The following HERC2 variants were observed in gnomAD, a reference collection of about 807,000 sequenced individuals.
HERC2 encodes the protein E3 ubiquitin-protein ligase HERC2.
A neutral mutation model predicts 537.7 loss-of-function variants in HERC2; 102 were observed. The observed-to-expected ratio is 0.19, with a 90% CI of 0.16 to 0.22. The LOEUF is 0.22. HERC2 is among the 10% of genes least tolerant of loss of function. The pLI, the probability that HERC2 is intolerant of heterozygous loss-of-function variation, is 1.00. For synonymous variants in HERC2, 2,224 were observed against 2,466.2 expected, an observed-to-expected ratio of 0.90 and a Z score of 2.91; for missense variants, 4,236 against 6,198.2, an observed-to-expected ratio of 0.68 and a Z score of 10.63.
chr15:28,299,095 A>G (rs1316679443), intron 3 of HERC2, among the ~76,000 whole-genome samples: 1 of 152,154 alleles, frequency 6.6e-6, no homozygotes, highest in Non-Finnish European at 1.5e-5. Context: ...ACAAAGCTAA[A>G]TAAGATTGTT....
rs1899558274 is a variant in HERC2 at position 28,213,899 on chromosome 15, A to G, written c.6629T>C (p.Ile2210Thr). 6.2e-7 allele frequency: 1 copy of G among 1,613,934 alleles called. No homozygotes were observed. Among genetic ancestry groups the G allele is most frequent in the South Asian group, 1.1e-5 (1 of 91,060 alleles). ...VGGLMAVLAV[I>T]GGIDGRLRLG... The stretch of plus-strand genomic sequence containing the variant: ...GCGCAGGCGACCATCGATGCCTCCA[A>G]TCACAGCCAGGACTGCCATGAGGCC... The change falls in exon 42 of 93, where the codon ATT becomes ACT. Residue 2210 changes from isoleucine to threonine, a missense_variant. Around this residue, in one of 27 missense-constraint regions of HERC2, gnomAD observed 365 missense variants for 468.8 expected, o/e 0.78. Coordinates refer to ENST00000261609, the MANE Select transcript of HERC2 (RefSeq NM_004667.6).
chr15:28,231,973 C>A (rs543301667), intron 30 of HERC2, among the ~76,000 whole-genome samples: 2 of 152,226 alleles, frequency 1.3e-5, no homozygotes, highest in South Asian at 4.1e-4. Context: ...CTCCCTCATG[C>A]CGAGGCAGCC....
At chr15:28,304,080 C>T (rs936727120) in intron 2 of HERC2, among the ~76,000 whole-genome samples, 8 of 144,068 alleles carry the variant, frequency 5.6e-5, no homozygotes, top group Non-Finnish European at 3.0e-5. Flanking sequence ...GCAGGAGGAT[C>T]GCTTCAACCC....
chr15:28,238,148 G>T lies in HERC2; in HGVS notation c.3818C>A (p.Ser1273Tyr). ...AALQFEDTRE[S>Y]MHAFCVGQYL... ...CTGGCCAACACAAAACGCGTGCATG[G>T]ATTCCCGGGTGTCTTCAAACTGCAA... The change falls in exon 25 of 93, where the codon TCC (serine) becomes TAC (tyrosine). Residue 1273 changes from serine to tyrosine, a missense_variant. Coordinates refer to ENST00000261609, the MANE Select transcript of HERC2 (RefSeq NM_004667.6). 6.2e-7 allele frequency: 1 copy of T among 1,611,938 alleles called. No individual in the cohort carries two copies. Among genetic ancestry groups the T allele is most frequent in the East Asian group, 2.2e-5 (1 of 44,884 alleles).
At chr15:28,173,160 T>G (rs1894859190) in intron 65 of HERC2, among the ~76,000 whole-genome samples, 1 of 152,212 alleles carries the variant, frequency 6.6e-6, no homozygotes, top group African/African-American at 2.4e-5. Flanking sequence ...AAACAGTATG[T>G]AGCGATCTTA....
intron 26 of HERC2, among the ~76,000 whole-genome samples, chr15:28,236,352 G>A (rs4932685): frequency 0.083 from 12,434 of 150,694 alleles, 923 homozygotes; most frequent in East Asian, 0.25. Flanking sequence ...GTGCAGTGGC[G>A]CGATCTCGGC....
chr15:28,152,644 G>A (rs1425601452), intron 70 of HERC2, 33 bp downstream of exon 70: 1 of 1,505,318 alleles, frequency 6.6e-7, no homozygotes, highest in Non-Finnish European at 8.9e-7. Context: ...GGTGGGAAAG[G>A]CTGCAGCTCC....
chr15:28,283,867 C>T (rs953976806), intron 4 of HERC2, among the ~76,000 whole-genome samples: 1 of 152,130 alleles, frequency 6.6e-6, no homozygotes, highest in Non-Finnish European at 1.5e-5. Flanking sequence ...CATATATACA[C>T]AGGTTGAGTG....
Position 28,177,172 on chromosome 15 carries a change from C to T in HERC2, c.9255-45G>A. ...GCTCTCTACAGTCAATCTGTCCCTT[C>T]TTAGAGATGAAGGAAAAAAGACATC... On this transcript the variant is annotated intron_variant, in intron 60 of 92. Transcript: ENST00000261609. This position sits in a 1 kb window ranked among gnomAD's most constrained non-coding sequence, Gnocchi z 5.0. The T allele has an allele frequency of 1.3e-6, 2 of 1,565,632 alleles. No homozygotes were observed. Among genetic ancestry groups the T allele is most frequent in the Non-Finnish European group, 1.7e-6 (2 of 1,151,112 alleles).
intron 65 of HERC2, among the ~76,000 whole-genome samples, chr15:28,172,011 C>T (rs796754828): frequency 2.7e-5 from 4 of 150,318 alleles, no homozygotes; most frequent in African/African-American, 9.8e-5. Flanking sequence ...GGAAGCAGAG[C>T]TTGCAGTGAG....
At chr15:28,304,646 G>A (rs1242402210) in intron 2 of HERC2, among the ~76,000 whole-genome samples, 5 of 151,124 alleles carry the variant, frequency 3.3e-5, no homozygotes, top group Admixed American at 6.6e-5. Context: ...TTACAGGTGT[G>A]AGCCACTGCA....
intron 4 of HERC2, among the ~76,000 whole-genome samples, chr15:28,285,893 A>C (rs1412281131): frequency 1.3e-5 from 2 of 151,952 alleles, no homozygotes; most frequent in Non-Finnish European, 2.9e-5. Context: ...ATTACTAGGA[A>C]CAACTCTACA....
At chr15:28,115,406 C>A (rs373723349) in intron 89 of HERC2, 23 bp downstream of exon 89, 2 of 1,568,824 alleles carry the variant, frequency 1.3e-6, no homozygotes, top group Middle Eastern at 1.8e-4. Context: ...CTAGAGGCCC[C>A]GCCTGCCGCC....
chr15:28,127,057 C>A (rs141249707), intron 83 of HERC2, among the ~76,000 whole-genome samples: 4 of 152,216 alleles, frequency 2.6e-5, no homozygotes, highest in Admixed American at 6.5e-5. Context: ...CTCATGTTCT[C>A]TGGAGACACC....
At position 28,280,230 on chromosome 15, in the gene HERC2, G is replaced by A; in HGVS notation, c.380C>T (p.Ala127Val). 1 of 1,614,092 alleles carries A rather than the reference G, an allele frequency of 6.2e-7. No individual in the cohort carries two copies. Among genetic ancestry groups the A allele is most frequent in the Non-Finnish European group, 8.5e-7 (1 of 1,180,002 alleles). The change falls in exon 5 of 93, where the codon GCC becomes GTC. Residue 127 changes from alanine (A) to valine (V), a missense_variant. By Grantham distance (64) the Ala-to-Val change is moderately conservative (BLOSUM62 0). Transcript: ENST00000261609. ...GAGGGTGGTGGTGGCTGACTGGACGGCCAGGGCCTGCTGCTCTTTAACCAG... is the reference window on the plus strand; with the variant it reads ...GAGGGTGGTGGTGGCTGACTGGACGACCAGGGCCTGCTGCTCTTTAACCAG... ...SVLVKEQQAL[A>V]VQSATTTLSA...
At chr15:28,189,104 A>G (rs1896594835) in intron 55 of HERC2, among the ~76,000 whole-genome samples, 1 of 152,020 alleles carries the variant, frequency 6.6e-6, no homozygotes, top group South Asian at 2.1e-4. Context: ...AGAAAAGAAA[A>G]TTCCCATAAC....
intron 55 of HERC2, among the ~76,000 whole-genome samples, chr15:28,187,837 C>T (rs184603655): frequency 6.4e-4 from 97 of 152,276 alleles, no homozygotes; most frequent in Non-Finnish European, 5.4e-4. Flanking sequence ...TGGAGTTGGT[C>T]TACTTGTCCT....
chr15:28,128,821 A>G (rs1194857149), intron 83 of HERC2, among the ~76,000 whole-genome samples: 1 of 152,104 alleles, frequency 6.6e-6, no homozygotes, highest in Non-Finnish European at 1.5e-5. Flanking sequence ...GACACAGCTC[A>G]GTTCTCTGTG....
In HERC2 at chr15:28,192,015, G is replaced by C; in HGVS notation, c.8397C>G (p.Ser2799=). The C allele has an allele frequency of 6.2e-7, 1 of 1,613,932 alleles. No individual in the cohort carries two copies. The highest frequency in any genetic ancestry group is 1.1e-5 in the South Asian group (1 of 91,068). ...LNVSSSVNQA[S]RLIDGSEPCW... is the part of the protein sequence containing the mutation. ...AGGGCTCGCTGCCGTCAATGAGACG[G>C]GATGCCTGGTTCACGGAGGACGACA... Residue 2799 remains serine (S), a synonymous_variant, in exon 53 of 93, where the codon TCC becomes TCG. Coordinates refer to ENST00000261609, the MANE Select transcript of HERC2 (RefSeq NM_004667.6).
Sources: gnomAD v4.1 joint callset for allele counts (sites outside exome capture counted in the v4.1 genomes callset) on GRCh38, gnomAD v4.1.1 for gene constraint, gnomAD v4.1.1 regional missense constraint, Gnocchi (gnomAD v3.1) non-coding constraint, MANE v1.5 for transcripts, NCBI Gene and HGNC (gene_info 2026-07-23, HGNC 2026-07-21) for gene names.